Variants in CFAP53 observed in about 807,000 individuals in gnomAD.
CFAP53 encodes the protein cilia- and flagella-associated protein 53.
CFAP53 carries 62 observed loss-of-function variants against 59.7 expected under a neutral mutation model. The ratio of observed to expected loss-of-function variants is 1.04; its 90% CI spans 0.85 to 1.28. The LOEUF (loss-of-function observed/expected upper bound fraction) is 1.28. CFAP53 is among the 50% of genes most tolerant of loss of function. The probability of loss-of-function intolerance (pLI) is 0.00; values close to 1 mark genes in which losing one functional copy is unlikely to be tolerated. For missense variants in CFAP53, 629 were observed against 615.6 expected (o/e 1.02, Z -0.23); for synonymous variants, 218 against 205.7 (o/e 1.06, Z -0.51).
At chr18:50,265,693 A>G (rs2033950920) in intron 1 of CFAP53, among the ~76,000 whole-genome samples, 1 of 152,210 alleles carries the variant, frequency 6.6e-6, no homozygotes, top group Non-Finnish European at 1.5e-5. Flanking sequence ...GTATGGACCA[A>G]TAGTGTCTGA....
intron 6 of CFAP53, among the ~76,000 whole-genome samples, chr18:50,242,133 T>G (rs957134137): frequency 1.3e-5 from 2 of 152,214 alleles, no homozygotes; most frequent in Admixed American, 1.3e-4. Context: ...CCGCAGGCAG[T>G]CAGACCTTAT....
intron 3 of CFAP53, among the ~76,000 whole-genome samples, chr18:50,255,372 G>C: frequency 6.6e-6 from 1 of 151,974 alleles, no homozygotes; most frequent in Non-Finnish European, 1.5e-5. Flanking sequence ...TTGATTGTAG[G>C]GTGGTTACAC....
At chr18:50,232,455 G>T (rs1480655658) in intron 7 of CFAP53, among the ~76,000 whole-genome samples, 1 of 152,148 alleles carries the variant, frequency 6.6e-6, no homozygotes, top group Non-Finnish European at 1.5e-5. Context: ...AGCCCCTCCA[G>T]GTTTCCCTAA....
chr18:50,238,851 A>C (rs879537494), intron 6 of CFAP53, 146 bp from the exon 7 acceptor site: 33 of 559,430 alleles, frequency 5.9e-5, no homozygotes, highest in Middle Eastern at 3.3e-4. Flanking sequence ...AGAAGTACAC[A>C]TCTCAATTGA....
intron 5 of CFAP53, among the ~76,000 whole-genome samples, chr18:50,245,763 A>C (rs2033737934): frequency 1.3e-5 from 2 of 152,242 alleles, no homozygotes. Context: ...AAGCTGATCC[A>C]TGTAACTTCC....
intron 7 of CFAP53, among the ~76,000 whole-genome samples, chr18:50,236,259 G>A (rs1049805390): frequency 1.3e-5 from 2 of 152,112 alleles, no homozygotes; most frequent in Non-Finnish European, 2.9e-5. Flanking sequence ...CTCTCTTGCT[G>A]GCTGCCCATT....
chr18:50,256,151 C>A (rs754718773), intron 3 of CFAP53: 5 of 152,144 alleles, frequency 3.3e-5, no homozygotes, highest in Non-Finnish European at 7.4e-5. Context: ...GTTGCTAAAT[C>A]CATAAATTTT....
intron 1 of CFAP53, among the ~76,000 whole-genome samples, chr18:50,262,718 ATG>A (rs2033906625): frequency 1.3e-5 from 2 of 152,144 alleles, no homozygotes; most frequent in South Asian, 4.2e-4. Flanking sequence ...AAAAATATAC[ATG>A]TGTGTATATA....
At position 50,250,841 on chromosome 18, in the gene CFAP53, C is replaced by T; in HGVS notation, c.913G>A (p.Asp305Asn). The change falls in exon 5 of 8, where the codon GAC becomes AAC. Residue 305 changes from aspartate (D) to asparagine (N), a missense_variant. Physicochemically the swap from Asp to Asn is conservative, Grantham distance 23 (BLOSUM62 1). Coordinates refer to ENST00000398545, the MANE Select transcript of CFAP53 (RefSeq NM_145020.5). ...AGCTTCATGTTCAAGTCCTGTTCGT[C>T]TCTGTATTCCTGCTGAATATGTTCT... ...RIEHIQQEYR[D>N]EQDLNMKLVQ... 6.2e-7 allele frequency: 1 copy of T among 1,614,200 alleles called. No homozygotes were observed. The highest frequency in any genetic ancestry group is 2.2e-5 in the East Asian group (1 of 44,894).
At chr18:50,229,777 C>T (rs2033562299) in intron 7 of CFAP53, among the ~76,000 whole-genome samples, 1 of 143,050 alleles carries the variant, frequency 7.0e-6, no homozygotes, top group Non-Finnish European at 1.5e-5. Context: ...ACTCTTGTCA[C>T]CCAGGCTGGA....
chr18:50,227,619 T>C lies in CFAP53; in HGVS notation c.1317-10A>G, dbSNP rs369138890. ...GGCTAAACGTTGGCGTCTAAAGTAT[T>C]AGAAATGTCAAAGCATAAAATTATA... On this transcript the variant is annotated splice_polypyrimidine_tract_variant and intron_variant, in intron 7 of 7. Coordinates refer to ENST00000398545, the MANE Select transcript of CFAP53 (RefSeq NM_145020.5). The C allele has an allele frequency of 1.3e-6, 2 of 1,588,574 alleles. No homozygotes were observed. Among genetic ancestry groups the C allele is most frequent in the Non-Finnish European group, 1.7e-6 (2 of 1,157,476 alleles).
chr18:50,262,601 C>T lies in CFAP53; in HGVS notation c.70-382G>A, dbSNP rs182080564. 3.3e-5 allele frequency among the ~76,000 whole-genome samples: 5 copies of T among 152,288 alleles called. No homozygotes were observed. In the East Asian group the frequency reaches 7.7e-4, roughly 24 times the overall value. On this transcript the variant is annotated intron_variant, in intron 1 of 7. Transcript: ENST00000398545. ...GAATTAGAGGTCTTCTAATTCCCGA[C>T]CTTGACATTGCCACTCATTATTCCA...
At chr18:50,259,153 A>G (rs1243098254) in intron 3 of CFAP53, among the ~76,000 whole-genome samples, 1 of 152,214 alleles carries the variant, frequency 6.6e-6, no homozygotes, top group African/African-American at 2.4e-5. Flanking sequence ...CTAAACTCCT[A>G]TGTTTGTTGT....
chr18:50,250,754 T>A lies in CFAP53; in HGVS notation c.996+4A>T. ...AGGTAGCAGGCACCAAAAAAATGTC[T>A]TACTCTTTTTTGTTTCTTTTTATCT... On this transcript the variant is annotated splice_donor_region_variant and intron_variant, in intron 5 of 7. Coordinates refer to ENST00000398545, the MANE Select transcript of CFAP53 (RefSeq NM_145020.5). 1 of 1,612,166 alleles carries A rather than the reference T, an allele frequency of 6.2e-7. No individual in the cohort carries two copies. The highest frequency in any genetic ancestry group is 1.1e-5 in the South Asian group (1 of 91,000).
chr18:50,237,266 C>A, intron 7 of CFAP53, among the ~76,000 whole-genome samples: 1 of 132,074 alleles, frequency 7.6e-6, no homozygotes. Context: ...GATTACACCA[C>A]CGCACTCCAG....
chr18:50,233,924 C>T (rs1400541789), intron 7 of CFAP53, among the ~76,000 whole-genome samples: 3 of 152,182 alleles, frequency 2.0e-5, no homozygotes, highest in Non-Finnish European at 4.4e-5. Context: ...TTCCTCATGG[C>T]AATCATCCAC....
intron 3 of CFAP53, chr18:50,256,112 CTCAG>C (rs942615163): frequency 2.0e-5 from 3 of 152,134 alleles, no homozygotes; most frequent in African/African-American, 4.8e-5. Flanking sequence ...CTAGCAAAAA[CTCAG>C]TCATACAAGT....
At chr18:50,229,718 G>C (rs1381426449) in intron 7 of CFAP53, among the ~76,000 whole-genome samples, 1 of 145,752 alleles carries the variant, frequency 6.9e-6, no homozygotes, top group African/African-American at 2.5e-5. Flanking sequence ...TTTCTTTGTA[G>C]TCTCTTTCTT....
intron 7 of CFAP53, among the ~76,000 whole-genome samples, chr18:50,237,123 G>A (rs1352511256): frequency 6.7e-6 from 1 of 150,314 alleles, no homozygotes; most frequent in African/African-American, 2.4e-5. Flanking sequence ...TGGCTAAGGT[G>A]GTGAAACCCT....
Sources: allele counts gnomAD v4.1 joint callset (sites outside exome capture counted in the v4.1 genomes callset), GRCh38; gene constraint gnomAD v4.1.1; transcripts MANE v1.5; gene names NCBI Gene and HGNC (gene_info 2026-07-23, HGNC 2026-07-21).